Variants in HPS1 observed in about 807,000 individuals in gnomAD.
HPS1 encodes BLOC-3 complex member HPS1.
In HPS1, 59 loss-of-function variants were observed where a neutral mutation model predicts 90.6. The observed-to-expected ratio is 0.65, with a 90% CI of 0.53 to 0.81. HPS1 has a LOEUF of 0.81. HPS1 is among the 30% of genes least tolerant of loss of function. The pLI is 0.00. For missense variants in HPS1, 849 were observed against 896.7 expected (o/e 0.95, Z 0.68); for synonymous variants, 388 against 384.4 (o/e 1.01, Z -0.11).
At position 98,435,160 on chromosome 10, in the gene HPS1, C is replaced by T; in HGVS notation, c.398+112G>A. On this transcript the variant is annotated intron_variant, in intron 5 of 19. Transcript: ENST00000361490. The surrounding 1 kb of genome is among the most constrained non-coding windows in gnomAD (Gnocchi z 4.3). ...GAGCTGTTTCTCTGACCTAGGGACC[C>T]AGCTGGGGGCAGTATGTGAAAAATG... 1 of 1,327,844 alleles carries T rather than the reference C, an allele frequency of 7.5e-7. No individual in the cohort carries two copies. Among genetic ancestry groups the T allele is most frequent in the Non-Finnish European group, 1.1e-6 (1 of 926,688 alleles). 82.3% of individuals were successfully genotyped at this position (1,327,844 alleles called of 1,614,324 possible).
In HPS1 at chr10:98,435,583, TC is replaced by T. The variant is rs1847199728; in HGVS notation, c.255+51del. 1 of 1,612,030 alleles carries T rather than the reference TC, an allele frequency of 6.2e-7. No homozygotes were observed. Among genetic ancestry groups the T allele is most frequent in the Admixed American group, 1.7e-5 (1 of 59,988 alleles). ...TTCCAAATAAGAGAGGCCTGTGGACTCCCCATCAAGCTGAGGGAAGAGGAAC... is the reference window on the plus strand; with the variant it reads ...TTCCAAATAAGAGAGGCCTGTGGACTCCCATCAAGCTGAGGGAAGAGGAAC... On this transcript the variant is annotated intron_variant, in intron 4 of 19. Transcript: ENST00000361490. This position sits in a 1 kb window ranked among gnomAD's most constrained non-coding sequence, Gnocchi z 4.3.
At position 98,416,661 on chromosome 10, in the gene HPS1, C is replaced by T. The variant is rs1844154167; in HGVS notation, c.*903G>A. ...TGCTGCAGTGGACGCTGACTTTCGCCACGCCGTCCTCTCTGGCCCAGCACC... is the reference window on the plus strand; with the variant it reads ...TGCTGCAGTGGACGCTGACTTTCGCTACGCCGTCCTCTCTGGCCCAGCACC... On this transcript the variant is annotated 3_prime_UTR_variant, in exon 20 of 20. Transcript: ENST00000361490. 6.6e-6 allele frequency: 1 copy of T among 152,388 alleles called. No homozygotes were observed. Among genetic ancestry groups the T allele is most frequent in the Non-Finnish European group, 1.5e-5 (1 of 68,096 alleles). 9.4% of individuals were successfully genotyped at this position (152,388 alleles called of 1,614,324 possible).
chr10:98,418,105 C>A (rs1356352458), intron 19 of HPS1, 70 bp downstream of exon 19: 3 of 1,024,436 alleles, frequency 2.9e-6, no homozygotes, highest in Non-Finnish European at 4.5e-6. Flanking sequence ...AGAAGCTGCT[C>A]CCGGCAGAGG....
chr10:98,442,024 C>A (rs1232135985), intron 3 of HPS1, among the ~76,000 whole-genome samples: 1 of 152,228 alleles, frequency 6.6e-6, no homozygotes, highest in Non-Finnish European at 1.5e-5. Context: ...CTTGTACGTG[C>A]ATGTTCATAG....
rs1564831800 is a variant in HPS1 at position 98,422,387 on chromosome 10, AGCCAGCG to A, written c.1718_1724del (p.Pro573LeufsTer11). On this transcript the variant is annotated frameshift_variant, in exon 17 of 20. Transcript: ENST00000361490. LOFTEE classifies it high-confidence loss of function. ...TGGTTACCTTAGTTTTGACAAAGGC[AGCCAGCG>A]GCCCCTTGCCCAACTCCGACGAGGT... 1 of 1,610,950 alleles carries A rather than the reference AGCCAGCG, an allele frequency of 6.2e-7. No individual in the cohort carries two copies. The highest frequency in any genetic ancestry group is 1.7e-5 in the Admixed American group (1 of 59,936).
intron 17 of HPS1, 132 bp from the exon 18 acceptor site, chr10:98,420,290 A>G (rs1020579632): frequency 8.2e-6 from 6 of 729,068 alleles, no homozygotes; most frequent in African/African-American, 6.9e-5. Flanking sequence ...GTACCCGGGC[A>G]CTGCCTTGGC....
At chr10:98,437,321 A>AT (rs1371179486) in intron 3 of HPS1, among the ~76,000 whole-genome samples, 2 of 152,206 alleles carry the variant, frequency 1.3e-5, no homozygotes, top group African/African-American at 4.8e-5. Flanking sequence ...TATTTGCTGA[A>AT]TTATTCATAT....
In HPS1 at chr10:98,422,480, G is replaced by T. The variant is rs748106098; in HGVS notation, c.1632C>A (p.Phe544Leu). ...YLEDFPGLVHFIYVDRTTGQM... is the reference protein window; with the variant it reads ...YLEDFPGLVHLIYVDRTTGQM... ...GCCCAGTGGTGCGGTCCACATAGAT[G>T]AAGTGCACCAAGCCTGGGAAGTCTT... Residue 544 changes from phenylalanine (F) to leucine (L), a missense_variant, in exon 17 of 20, where the codon TTC becomes TTA. Phe to Leu is a conservative substitution (Grantham distance 22, BLOSUM62 0). Transcript: ENST00000361490. 6.2e-7 allele frequency: 1 copy of T among 1,614,100 alleles called. No homozygotes were observed. The highest frequency in any genetic ancestry group is 8.5e-7 in the Non-Finnish European group (1 of 1,179,942).
intron 17 of HPS1, 67 bp from the exon 18 acceptor site, chr10:98,420,225 G>A (rs940817597): frequency 9.4e-6 from 11 of 1,172,606 alleles, no homozygotes; most frequent in Admixed American, 5.1e-5. Flanking sequence ...TCTCACCTCC[G>A]AAGGAAGGAA....
Position 98,429,591 on chromosome 10 carries a change from G to C in HPS1, c.919C>G (p.Pro307Ala), listed in dbSNP as rs1229294458. 5 of 1,614,096 alleles carry C rather than the reference G, an allele frequency of 3.1e-6. No individual in the cohort carries two copies. The highest frequency in any genetic ancestry group is 3.3e-5 in the Admixed American group (2 of 60,010). ...PEEYFTPAPS[P>A]GDQSSGSTIW... ...TCCTCACCTGAGCTCTGATCGCCAG[G>C]GGAAGGAGCTGGTGTGAAGTACTCC... The change falls in exon 10 of 20, where the codon CCT (proline) becomes GCT (alanine). Residue 307 changes from proline to alanine, a missense_variant. Physicochemically the swap from Pro to Ala is conservative, Grantham distance 27. Transcript: ENST00000361490.
chr10:98,429,442 T>G, intron 10 of HPS1, 131 bp downstream of exon 10: 1 of 1,566,000 alleles, frequency 6.4e-7, no homozygotes, highest in Non-Finnish European at 8.7e-7. Flanking sequence ...CGTCCTGTGC[T>G]CTAGGAACAC....
chr10:98,425,702 C>A lies in HPS1; in HGVS notation c.1174G>T (p.Ala392Ser). ...TCCATCAGCTGGGACAGAACCAGGG[C>A]CAGGGGCGCGCTGGGGCTCTGAGGG... ...LLTRSPSAPL[A>S]LVLSQLMDGF... Residue 392 changes from alanine (A) to serine (S), a missense_variant, in exon 13 of 20, where the codon GCC (alanine) becomes TCC (serine). Transcript: ENST00000361490. 1 of 1,611,030 alleles carries A rather than the reference C, an allele frequency of 6.2e-7. No homozygotes were observed. The highest frequency in any genetic ancestry group is 8.5e-7 in the Non-Finnish European group (1 of 1,178,188).
At chr10:98,422,343 T>C (rs1844990018) in intron 17 of HPS1, 26 bp downstream of exon 17, 85 of 938,314 alleles carry the variant, frequency 9.1e-5, no homozygotes, top group Non-Finnish European at 1.2e-4. Context: ...GGCCCACCCA[T>C]CCCCGCCCTG....
chr10:98,418,715 C>T (rs551646860), intron 18 of HPS1, among the ~76,000 whole-genome samples: 152 of 152,350 alleles, frequency 1.0e-3, no homozygotes, highest in Non-Finnish European at 1.7e-3. Flanking sequence ...GCCTGGGCAC[C>T]GTGGCCTGCC....
At position 98,446,417 on chromosome 10, in the gene HPS1, C is replaced by T. The variant is rs528105383; in HGVS notation, c.-106+390G>A. Among the ~76,000 whole-genome samples, 6 of 152,304 alleles carry T rather than the reference C, an allele frequency of 3.9e-5. No individual in the cohort carries two copies. The East Asian group carries it at 1.2e-3, about 29-fold the overall frequency. Reference sequence around the variant, plus strand: ...CAGATGGCGGGGGGCCAACCTGGGGCGACCCCCAGCGCCCACTTTCACCAT... The same window carrying T: ...CAGATGGCGGGGGGCCAACCTGGGGTGACCCCCAGCGCCCACTTTCACCAT... On this transcript the variant is annotated intron_variant, in intron 1 of 19. Transcript: ENST00000361490.
chr10:98,443,787 C>T (rs929278439), intron 2 of HPS1, among the ~76,000 whole-genome samples: 2 of 152,214 alleles, frequency 1.3e-5, no homozygotes, highest in Admixed American at 1.3e-4. Context: ...AATCCCAGCA[C>T]TTTGGGAGGC....
At position 98,435,200 on chromosome 10, in the gene HPS1, G is replaced by T; in HGVS notation, c.398+72C>A. On this transcript the variant is annotated intron_variant, in intron 5 of 19. Coordinates refer to ENST00000361490, the MANE Select transcript of HPS1 (RefSeq NM_000195.5). The surrounding 1 kb of genome is among the most constrained non-coding windows in gnomAD (Gnocchi z 4.3). ...TGTGAAAAATGGCAGCTTCACAGGG[G>T]CTGGGCACACGCTGCCTGGCCCAGC... is the stretch of plus-strand genomic sequence containing the variant. The T allele has an allele frequency of 6.3e-7, 1 of 1,594,354 alleles. No homozygotes were observed. Among genetic ancestry groups the T allele is most frequent in the African/African-American group, 1.3e-5 (1 of 74,610 alleles).
Position 98,430,598 on chromosome 10 carries a change from G to A in HPS1, c.741C>T (p.Ser247=), listed in dbSNP as rs772319786. The A allele has an allele frequency of 2.0e-5, 31 of 1,555,054 alleles. No homozygotes were observed. The highest frequency in any genetic ancestry group is 3.3e-4 in the Middle Eastern group (2 of 5,992). Residue 247 remains serine, a synonymous_variant, in exon 8 of 20, where the codon AGC becomes AGT. Coordinates refer to ENST00000361490, the MANE Select transcript of HPS1 (RefSeq NM_000195.5). ...LILLVQDLYP[S]ESTAEDDIQP... is the part of the protein sequence containing the mutation. ...GAATGTCGTCCTCTGCTGTGCTCTC[G>A]CTGGGGTAGAGGTCCTGAACCAGGA... is the stretch of plus-strand genomic sequence containing the variant.
intron 3 of HPS1, among the ~76,000 whole-genome samples, chr10:98,440,709 G>C (rs1314298830): frequency 6.6e-6 from 1 of 150,994 alleles, no homozygotes; most frequent in Non-Finnish European, 1.5e-5. Context: ...GATGAGAAAA[G>C]AATGTGTTGC....
Sources: allele counts gnomAD v4.1 joint callset (sites outside exome capture counted in the v4.1 genomes callset), GRCh38; gene constraint gnomAD v4.1.1; non-coding constraint Gnocchi (gnomAD v3.1); transcripts MANE v1.5; gene names NCBI Gene and HGNC (gene_info 2026-07-23, HGNC 2026-07-21).